Variants in ANO1 observed in about 807,000 individuals in gnomAD.
The protein encoded by ANO1 is anoctamin 1, also known as anoctamin-1.
A neutral mutation model predicts 124.0 loss-of-function variants in ANO1; 59 were observed. That is an observed-to-expected ratio of 0.48 (90% confidence interval 0.39 to 0.59). ANO1 has a LOEUF of 0.59. Among genes scored for constraint, ANO1 ranks in the 20% least tolerant of loss-of-function variants. ANO1 has a pLI of 0.00. For synonymous variants in ANO1, 529 were observed against 532.0 expected (o/e 0.99, Z 0.08); for missense variants, 1,059 against 1,328.0 (o/e 0.80, Z 3.15).
chr11:70,049,782 G>T (rs11237917), intron 1 of ANO1, among the ~76,000 whole-genome samples: 37,422 of 151,894 alleles, frequency 0.25, 5,205 homozygotes, highest in East Asian at 0.62. Flanking sequence ...GTACAGTGGC[G>T]CAATCTCAGC....
intron 1 of ANO1, among the ~76,000 whole-genome samples, chr11:70,021,762 G>A (rs1856814598): frequency 6.6e-6 from 1 of 152,184 alleles, no homozygotes; most frequent in Admixed American, 6.5e-5. Context: ...TCCAGAGACT[G>A]AAGCCAGAGC....
intron 1 of ANO1, among the ~76,000 whole-genome samples, chr11:70,078,947 G>T (rs923341958): frequency 6.6e-6 from 1 of 151,870 alleles, no homozygotes; most frequent in African/African-American, 2.4e-5. Flanking sequence ...CGCCCACTCC[G>T]CCCAGCGCAG....
At chr11:70,099,186 C>T (rs757428039) in intron 2 of ANO1, among the ~76,000 whole-genome samples, 30 of 152,268 alleles carry the variant, frequency 2.0e-4, no homozygotes, top group Non-Finnish European at 3.8e-4. Context: ...CTCCTCAGGG[C>T]GCTGGCTGGG....
Position 70,156,929 on chromosome 11 carries a change from C to A in ANO1, c.1504-18C>A. The A allele has an allele frequency of 6.2e-7, 1 of 1,612,022 alleles. No homozygotes were observed. The highest frequency in any genetic ancestry group is 8.5e-7 in the Non-Finnish European group (1 of 1,178,760). On this transcript the variant is annotated intron_variant, in intron 15 of 25. Transcript: ENST00000355303. ...CGTGATGGTTCCAGACAGTGACCGG[C>A]ATTGTTTTGTGTTGTAGACTGACAA...
At chr11:70,033,337 G>T (rs531691644) in intron 1 of ANO1, among the ~76,000 whole-genome samples, 2 of 152,152 alleles carry the variant, frequency 1.3e-5, no homozygotes, top group African/African-American at 2.4e-5. Flanking sequence ...CTCCAAGATC[G>T]AGAGTCTACA....
intron 1 of ANO1, among the ~76,000 whole-genome samples, chr11:70,049,710 T>C (rs2135078439): frequency 6.6e-6 from 1 of 152,022 alleles, no homozygotes; most frequent in South Asian, 2.1e-4. Context: ...GTTTGTTTGT[T>C]TGTTTGTTTG....
At chr11:70,158,256 TGCTA>T (rs1376036213) in intron 16 of ANO1, among the ~76,000 whole-genome samples, 10 of 152,230 alleles carry the variant, frequency 6.6e-5, no homozygotes, top group African/African-American at 2.4e-4. Context: ...CTTGGCCGCC[TGCTA>T]GCTGTGTTTC....
intron 19 of ANO1, chr11:70,163,634 T>C (rs1045442024): frequency 5.1e-6 from 3 of 593,174 alleles, no homozygotes; most frequent in Non-Finnish European, 5.9e-6. Context: ...ATTTCTCTTC[T>C]GGTTAAGATG....
chr11:70,108,051 C>T (rs2045628109), intron 5 of ANO1: 3 of 396,018 alleles, frequency 7.6e-6, no homozygotes, highest in African/African-American at 3.9e-5. Flanking sequence ...GCACTAGGCC[C>T]AGGAGGGCAC....
At chr11:69,990,798 A>G (rs782344738) in intron 1 of ANO1, among the ~76,000 whole-genome samples, 1 of 151,898 alleles carries the variant, frequency 6.6e-6, no homozygotes, top group Non-Finnish European at 1.5e-5. Flanking sequence ...TCCTTTGTCT[A>G]TTTTCTAATT....
intron 16 of ANO1, among the ~76,000 whole-genome samples, chr11:70,159,686 G>A (rs986205257): frequency 2.6e-5 from 4 of 152,238 alleles, no homozygotes; most frequent in Non-Finnish European, 4.4e-5. Context: ...CCCCATGGCA[G>A]GGCAGGGGAC....
chr11:70,146,392 CTGT>C (rs1046960495), intron 11 of ANO1, among the ~76,000 whole-genome samples: 1 of 152,108 alleles, frequency 6.6e-6, no homozygotes, highest in Non-Finnish European at 1.5e-5. Flanking sequence ...GAACTGGTGA[CTGT>C]TGTTATGCTG....
intron 1 of ANO1, among the ~76,000 whole-genome samples, chr11:70,040,857 T>C (rs759673600): frequency 5.9e-5 from 9 of 152,222 alleles, no homozygotes; most frequent in Non-Finnish European, 8.8e-5. Flanking sequence ...ACAGATTCCA[T>C]GTGCTGTCAG....
chr11:69,999,331 C>T (rs190280055), intron 1 of ANO1, among the ~76,000 whole-genome samples: 1 of 152,204 alleles, frequency 6.6e-6, no homozygotes, highest in Admixed American at 6.5e-5. Context: ...GAGGACAGTA[C>T]CAAGGACACA....
intron 1 of ANO1, among the ~76,000 whole-genome samples, chr11:69,995,022 G>A (rs112012387): frequency 0.049 from 7,406 of 151,492 alleles, 237 homozygotes; most frequent in Middle Eastern, 0.088. Flanking sequence ...ACTGCACACC[G>A]TTTCCCCTGT....
At chr11:70,004,808 G>A (rs1554999827) in intron 1 of ANO1, among the ~76,000 whole-genome samples, 2 of 152,132 alleles carry the variant, frequency 1.3e-5, no homozygotes, top group African/African-American at 4.8e-5. Context: ...TCCTTGACTT[G>A]GGGAATTAGA....
At chr11:70,105,904 A>G in intron 5 of ANO1, 116 bp downstream of exon 5, 2 of 1,114,446 alleles carry the variant, frequency 1.8e-6, no homozygotes, top group Non-Finnish European at 2.6e-6. Flanking sequence ...ATTGTCTGTG[A>G]CAGAAATAAT....
At chr11:70,103,936 A>G (rs2045383183) in intron 3 of ANO1, 63 bp from the exon 4 acceptor site, 2 of 1,543,236 alleles carry the variant, frequency 1.3e-6, no homozygotes, top group Middle Eastern at 1.7e-4. Flanking sequence ...ATCCGAGAAC[A>G]GATTCCACGG....
chr11:70,015,511 C>T (rs530628703), intron 1 of ANO1, among the ~76,000 whole-genome samples: 1 of 152,268 alleles, frequency 6.6e-6, no homozygotes, highest in South Asian at 2.1e-4. Flanking sequence ...GCAGAGGAGA[C>T]CCTGTTCTTG....
Sources: allele counts gnomAD v4.1 joint callset (sites outside exome capture counted in the v4.1 genomes callset), GRCh38; gene constraint gnomAD v4.1.1; transcripts MANE v1.5; gene names NCBI Gene and HGNC (gene_info 2026-07-23, HGNC 2026-07-21).